Variants in ZNF273 observed in about 807,000 individuals in gnomAD.
ZNF273 encodes zinc finger protein 273, also known as zinc finger protein 9.
In ZNF273, 11 loss-of-function variants were observed where a neutral mutation model predicts 14.9. That is an observed-to-expected ratio of 0.74 (90% CI 0.46 to 1.22). The LOEUF is 1.22. Among genes scored for constraint, ZNF273 ranks in the 50% most tolerant of loss-of-function variants. The pLI, the probability that ZNF273 is intolerant of heterozygous loss-of-function variation, is 0.00. For synonymous variants in ZNF273, 199 were observed against 223.9 expected (o/e 0.89, Z 0.99); for missense variants, 577 against 660.6 (o/e 0.87, Z 1.39).
downstream of ZNF273, chr7:64,889,887 CAG>C (rs1247428233): frequency 2.1e-6 from 1 of 467,622 alleles, no homozygotes; most frequent in Non-Finnish European, 2.8e-6. The surrounding 1 kb of genome is among the most constrained non-coding windows in gnomAD (Gnocchi z 4.2). Context: ...CTTTTGCTGG[CAG>C]TCAGAGACCA....
downstream of ZNF273, among the ~76,000 whole-genome samples, chr7:64,882,071 G>C (rs4718155): frequency 0.95 from 145,198 of 152,180 alleles, 69,672 homozygotes; most frequent in East Asian, 1. Context: ...TGCTGAGAAG[G>C]GGGAGCCCCT....
intron 1 of ZNF273, among the ~76,000 whole-genome samples, chr7:64,905,863 C>T (rs763582287): frequency 1.3e-5 from 2 of 152,052 alleles, no homozygotes; most frequent in Admixed American, 6.6e-5. Context: ...TTTTTGACTT[C>T]AGTTTTTTAT....
chr7:64,915,277 G>A (rs769477432), intron 1 of ZNF273, among the ~76,000 whole-genome samples: 17 of 151,956 alleles, frequency 1.1e-4, no homozygotes, highest in Non-Finnish European at 1.6e-4. Context: ...AGACCAGCTC[G>A]GTCAGGGAGA....
chr7:64,928,167 A>T lies in ZNF273; in HGVS notation c.839A>T (p.His280Leu). The T allele has an allele frequency of 2.5e-6, 4 of 1,613,220 alleles. No homozygotes were observed. Among genetic ancestry groups the T allele is most frequent in the Non-Finnish European group, 3.4e-6 (4 of 1,179,730 alleles). Residue 280 changes from histidine to leucine, a missense_variant, in exon 4 of 4, where the codon CAT (histidine) becomes CTT (leucine). Coordinates refer to ENST00000476120, the MANE Select transcript of ZNF273 (RefSeq NM_021148.3). Reference protein sequence around the residue: ...AFNQSLTLTKHKKIHTEEKPY... With the variant: ...AFNQSLTLTKLKKIHTEEKPY... ...AACCAGTCCTTAACTCTTACTAAAC[A>T]TAAAAAAATTCATACTGAAGAGAAA...
intron 3 of ZNF273, among the ~76,000 whole-genome samples, chr7:64,922,807 A>C (rs1462132808): frequency 6.6e-6 from 1 of 152,052 alleles, no homozygotes; most frequent in Non-Finnish European, 1.5e-5. Flanking sequence ...TCTACTAAAA[A>C]TACGAAACAT....
rs571263884 is a variant in ZNF273 at position 64,878,129 on chromosome 7, G to A, written n.216-252G>A. On this transcript the variant is annotated intron_variant and non_coding_transcript_variant, in intron 1 of 2. Coordinates refer to the ZNF273 transcript ENST00000465954. Reference sequence around the variant, plus strand: ...GAACGCTTGTTCTTTTGAGTCGGCTGACCTTTGGTGCGCCTCTCTGTGTGG... The same window carrying A: ...GAACGCTTGTTCTTTTGAGTCGGCTAACCTTTGGTGCGCCTCTCTGTGTGG... 5.9e-5 allele frequency among the ~76,000 whole-genome samples: 9 copies of A among 152,296 alleles called. No individual in the cohort carries two copies. In the South Asian group the frequency reaches 1.7e-3, roughly 28 times the overall value.
At chr7:64,908,713 C>T (rs1793283066) in intron 1 of ZNF273, among the ~76,000 whole-genome samples, 13 of 152,148 alleles carry the variant, frequency 8.5e-5, no homozygotes, top group Admixed American at 8.5e-4. Context: ...GGCTCTGCCT[C>T]CCAGGGTGCC....
At chr7:64,906,756 G>T (rs560592255) in intron 1 of ZNF273, among the ~76,000 whole-genome samples, 1 of 152,126 alleles carries the variant, frequency 6.6e-6, no homozygotes, top group Non-Finnish European at 1.5e-5. Context: ...GATGGAAGGG[G>T]ATTAGGAAGG....
intron 1 of ZNF273, among the ~76,000 whole-genome samples, chr7:64,908,156 A>C (rs929940089): frequency 1.3e-5 from 2 of 152,264 alleles, no homozygotes; most frequent in Non-Finnish European, 1.5e-5. Flanking sequence ...CATGGACACA[A>C]ATCAGAGTAC....
At chr7:64,880,575 C>CA (rs1361339060), downstream of ZNF273, among the ~76,000 whole-genome samples, 1 of 150,894 alleles carries the variant, frequency 6.6e-6, no homozygotes, top group Non-Finnish European at 1.5e-5. Flanking sequence ...CACTGCAGCC[C>CA]TTTTTTTTTC....
intron 1 of ZNF273, among the ~76,000 whole-genome samples, chr7:64,910,516 C>T (rs1451581954): frequency 6.6e-6 from 1 of 152,072 alleles, no homozygotes; most frequent in Admixed American, 6.6e-5. Flanking sequence ...TGTCCTGTTG[C>T]ATTGGTCTAT....
At chr7:64,900,152 A>C (rs575758781), upstream of ZNF273, among the ~76,000 whole-genome samples, 2 of 150,818 alleles carry the variant, frequency 1.3e-5, no homozygotes. Context: ...TTTGAGACCA[A>C]GTCTCGCTCT....
At position 64,927,807 on chromosome 7, in the gene ZNF273, A is replaced by G; in HGVS notation, c.479A>G (p.Lys160Arg). 2 of 1,614,022 alleles carry G rather than the reference A, an allele frequency of 1.2e-6. No homozygotes were observed. The highest frequency in any genetic ancestry group is 1.3e-5 in the African/African-American group (1 of 75,056). The change falls in exon 4 of 4, where the codon AAA (lysine) becomes AGA (arginine). Residue 160 changes from lysine to arginine, a missense_variant. Lys to Arg is a conservative substitution (Grantham distance 26). Transcript: ENST00000476120. ...CKSADEHKVH[K>R]RGYNGLNQCL... ...AGTGCGGATGAGCATAAGGTGCACA[A>G]AAGAGGTTATAATGGACTTAACCAA...
intron 1 of ZNF273, chr7:64,916,912 C>A (rs918915862): frequency 1.1e-5 from 9 of 843,180 alleles, no homozygotes; most frequent in Non-Finnish European, 1.4e-5. Context: ...TATTAAGTAT[C>A]TTTATGCAGC....
intron 1 of ZNF273, among the ~76,000 whole-genome samples, chr7:64,912,461 T>C (rs2129069324): frequency 6.6e-6 from 1 of 152,336 alleles, no homozygotes; most frequent in Middle Eastern, 3.4e-3. Flanking sequence ...GCTTTATTCA[T>C]GTGCACTCAT....
At chr7:64,918,904 G>A (rs1171171625) in intron 3 of ZNF273, among the ~76,000 whole-genome samples, 4 of 151,908 alleles carry the variant, frequency 2.6e-5, no homozygotes, top group Non-Finnish European at 5.9e-5. Flanking sequence ...CTTTTCCATT[G>A]TTTTGGGGGA....
At chr7:64,887,526 C>G (rs1254395049) in intron 1 of ZNF273, among the ~76,000 whole-genome samples, 5 of 152,312 alleles carry the variant, frequency 3.3e-5, no homozygotes, top group East Asian at 3.9e-4. Flanking sequence ...GAGATGGAGT[C>G]TAGCTCTGTT....
Position 64,928,231 on chromosome 7 carries a change from A to G in ZNF273, c.903A>G (p.Val301=), listed in dbSNP as rs368148753. 36 of 1,613,010 alleles carry G rather than the reference A, an allele frequency of 2.2e-5. No homozygotes were observed. Among genetic ancestry groups the G allele is most frequent in the Non-Finnish European group, 2.9e-5 (34 of 1,179,696 alleles). ...KCEDCGKVFS[V]FSVLTKHKII... ...AAGATTGTGGCAAAGTCTTTAGTGT[A>G]TTTTCAGTCCTTACTAAACATAAGA... The change falls in exon 4 of 4, where the codon GTA becomes GTG. Residue 301 remains valine (V), a synonymous_variant. Transcript: ENST00000476120.
In ZNF273 at chr7:64,917,682, T is replaced by G; in HGVS notation, c.204T>G (p.Asp68Glu). 1 of 1,597,452 alleles carries G rather than the reference T, an allele frequency of 6.3e-7. No homozygotes were observed. Among genetic ancestry groups the G allele is most frequent in the Non-Finnish European group, 8.5e-7 (1 of 1,169,838 alleles). ...ATTTGTATAGGAATGTGATGTTAGA[T>G]AACTACAGAAACCTGGTCTTCCTGG... The part of the protein sequence containing the change: ...QQNLYRNVML[D>E]NYRNLVFLGI... The change falls in exon 2 of 4, where the codon GAT becomes GAG. Residue 68 changes from aspartate to glutamate, a missense_variant. By Grantham distance (45) the Asp-to-Glu change is conservative. Coordinates refer to ENST00000476120, the MANE Select transcript of ZNF273 (RefSeq NM_021148.3).
Sources: allele counts gnomAD v4.1 joint callset (sites outside exome capture counted in the v4.1 genomes callset), GRCh38; gene constraint gnomAD v4.1.1; non-coding constraint Gnocchi (gnomAD v3.1); transcripts MANE v1.5; gene names NCBI Gene and HGNC (gene_info 2026-07-23, HGNC 2026-07-21).